Variants in TPH2 observed in about 807,000 individuals in gnomAD.
TPH2 encodes the protein tryptophan 5-hydroxylase 2.
TPH2 carries 27 observed loss-of-function variants against 59.1 expected under a neutral mutation model. That is an observed-to-expected ratio of 0.46 (90% CI 0.34 to 0.63). TPH2 has a LOEUF of 0.63. TPH2 is among the 30% of genes least tolerant of loss of function. The probability of loss-of-function intolerance (pLI) is 0.01; values close to 1 mark genes in which losing one functional copy is unlikely to be tolerated. For synonymous variants in TPH2, 220 were observed against 210.5 expected (o/e 1.05, Z -0.39); for missense variants, 523 against 588.3 (o/e 0.89, Z 1.15).
chr12:71,946,470 A>G (rs1463287014), intron 4 of TPH2, among the ~76,000 whole-genome samples: 1 of 152,120 alleles, frequency 6.6e-6, no homozygotes, highest in African/African-American at 2.4e-5. Flanking sequence ...ATTTTATTCC[A>G]TTACTCCTAA....
At chr12:71,979,231 G>A in intron 7 of TPH2, 144 bp downstream of exon 7, 1 of 1,281,858 alleles carries the variant, frequency 7.8e-7, no homozygotes, top group Non-Finnish European at 1.1e-6. Flanking sequence ...AAAGAGAAAA[G>A]GGCTCACTGA....
chr12:72,011,722 G>A (rs1873103814), intron 8 of TPH2, among the ~76,000 whole-genome samples: 1 of 152,180 alleles, frequency 6.6e-6, no homozygotes, highest in Non-Finnish European at 1.5e-5. Flanking sequence ...TAATGAAGGA[G>A]ACCAGAGACC....
intron 8 of TPH2, among the ~76,000 whole-genome samples, chr12:72,002,402 T>A (rs768396468): frequency 6.6e-6 from 1 of 151,978 alleles, no homozygotes; most frequent in Non-Finnish European, 1.5e-5. Context: ...AAAATGAGAA[T>A]ACACTGTAGT....
chr12:71,952,244 A>G (rs1871369270), intron 5 of TPH2, among the ~76,000 whole-genome samples: 1 of 152,192 alleles, frequency 6.6e-6, no homozygotes, highest in Non-Finnish European at 1.5e-5. Context: ...GCTAAAGAGT[A>G]AGATGAAGGT....
chr12:71,957,769 A>G (rs1359548445), intron 5 of TPH2, among the ~76,000 whole-genome samples: 1 of 152,198 alleles, frequency 6.6e-6, no homozygotes, highest in East Asian at 1.9e-4. Flanking sequence ...TAAATCATGC[A>G]CATAGTTTGC....
At chr12:72,010,392 T>C (rs1027178202) in intron 8 of TPH2, among the ~76,000 whole-genome samples, 1 of 152,178 alleles carries the variant, frequency 6.6e-6, no homozygotes, top group African/African-American at 2.4e-5. Flanking sequence ...AGCTCAAAGG[T>C]ATATCTTTTC....
intron 4 of TPH2, among the ~76,000 whole-genome samples, chr12:71,946,642 T>G (rs1054412104): frequency 1.3e-5 from 2 of 152,176 alleles, no homozygotes; most frequent in Admixed American, 6.5e-5. Flanking sequence ...GGCAAATTGG[T>G]GTTTTTGTAA....
intron 5 of TPH2, chr12:71,961,576 T>C: frequency 7.4e-7 from 1 of 1,352,158 alleles, no homozygotes; most frequent in Non-Finnish European, 9.8e-7. Context: ...TTAGCTGCTA[T>C]TGGCGACTGG....
At chr12:71,943,505 A>T (rs946333794) in intron 2 of TPH2, among the ~76,000 whole-genome samples, 1 of 152,204 alleles carries the variant, frequency 6.6e-6, no homozygotes, top group East Asian at 1.9e-4. Flanking sequence ...TATCTCTGAG[A>T]TCCATCATAG....
intron 5 of TPH2, chr12:71,962,634 CAT>C: frequency 1.0e-6 from 1 of 985,382 alleles, no homozygotes; most frequent in East Asian, 1.1e-4. Context: ...CTCTCTGAGG[CAT>C]AACTATTTTT....
chr12:71,997,453 C>T (rs972833745), intron 8 of TPH2, among the ~76,000 whole-genome samples: 11 of 152,182 alleles, frequency 7.2e-5, no homozygotes, highest in African/African-American at 1.7e-4. Context: ...AATGAATACT[C>T]ATACCTTGAA....
At chr12:71,972,374 T>TA (rs1354891341) in intron 5 of TPH2, 145 bp from the exon 6 acceptor site, 3 of 790,488 alleles carry the variant, frequency 3.8e-6, no homozygotes, top group African/African-American at 1.7e-5. Flanking sequence ...GCATTTGCTT[T>TA]AAAAAATAAT....
At chr12:71,993,499 C>T (rs544458149) in intron 7 of TPH2, among the ~76,000 whole-genome samples, 44 of 152,288 alleles carry the variant, frequency 2.9e-4, no homozygotes, top group African/African-American at 1.0e-3. Flanking sequence ...TTATTCATGG[C>T]AATGACTCAG....
intron 8 of TPH2, among the ~76,000 whole-genome samples, chr12:72,000,387 A>AT (rs1872792507): frequency 6.6e-6 from 1 of 152,226 alleles, no homozygotes; most frequent in Admixed American, 6.5e-5. Context: ...GACAAAGATT[A>AT]TATCCCCTTG....
At chr12:72,008,061 G>C (rs117200388) in intron 8 of TPH2, among the ~76,000 whole-genome samples, 59 of 152,248 alleles carry the variant, frequency 3.9e-4, no homozygotes, top group Middle Eastern at 3.4e-3. Flanking sequence ...AGTCTACCGA[G>C]GGATATAGAT....
At position 71,941,654 on chromosome 12, in the gene TPH2, C is replaced by T; in HGVS notation, c.176C>T (p.Thr59Ile). Reference sequence around the variant, plus strand: ...GGAAGCAGCAAACGTGAAGCTGCTACCGAAAGTGGCAAGACAGCAGTTGTT... The same window carrying T: ...GGAAGCAGCAAACGTGAAGCTGCTATCGAAAGTGGCAAGACAGCAGTTGTT... Reference protein sequence around the residue: ...NKGSSKREAATESGKTAVVFS... With the variant: ...NKGSSKREAAIESGKTAVVFS... Residue 59 changes from threonine (T) to isoleucine (I), a missense_variant, in exon 2 of 11, where the codon ACC becomes ATC. By Grantham distance (89) the Thr-to-Ile change is moderately conservative (BLOSUM62 -1). Transcript: ENST00000333850. The T allele has an allele frequency of 6.2e-7, 1 of 1,614,014 alleles. No homozygotes were observed. Among genetic ancestry groups the T allele is most frequent in the Non-Finnish European group, 8.5e-7 (1 of 1,179,964 alleles).
intron 9 of TPH2, among the ~76,000 whole-genome samples, chr12:72,026,059 G>T (rs571492315): frequency 6.6e-6 from 1 of 152,158 alleles, no homozygotes; most frequent in Admixed American, 6.5e-5. Flanking sequence ...ACTTCAGGTG[G>T]TGAGGAAATG....
intron 8 of TPH2, among the ~76,000 whole-genome samples, chr12:72,007,869 A>C (rs1367920175): frequency 6.6e-6 from 1 of 152,082 alleles, no homozygotes; most frequent in African/African-American, 2.4e-5. Flanking sequence ...CTTCTTTGGA[A>C]AGATGTTCTA....
intron 5 of TPH2, among the ~76,000 whole-genome samples, chr12:71,969,151 C>T (rs578198650): frequency 7.2e-5 from 11 of 152,060 alleles, no homozygotes; most frequent in South Asian, 2.1e-4. Context: ...GGCGTGGTGG[C>T]GGGCGCCTGT....
Sources: allele counts gnomAD v4.1 joint callset (sites outside exome capture counted in the v4.1 genomes callset), GRCh38; gene constraint gnomAD v4.1.1; transcripts MANE v1.5; gene names NCBI Gene and HGNC (gene_info 2026-07-23, HGNC 2026-07-21).